Variants in SNTG2 observed in about 807,000 individuals in gnomAD.
The protein encoded by SNTG2 is syntrophin gamma 2, also known as gamma-2-syntrophin.
In SNTG2, 74 loss-of-function variants were observed where a neutral mutation model predicts 70.9. The ratio of observed to expected loss-of-function variants is 1.04; its 90% CI spans 0.86 to 1.27. The LOEUF (loss-of-function observed/expected upper bound fraction) is 1.27, where lower values mean the gene tolerates loss of function less well. Among genes scored for constraint, SNTG2 ranks in the 50% most tolerant of loss-of-function variants. The pLI is 0.00. For missense variants in SNTG2, 717 were observed against 690.7 expected (o/e 1.04, Z -0.43); for synonymous variants, 278 against 273.8 (o/e 1.02, Z -0.15).
At chr2:1,052,192 T>C (rs1187466336) in intron 1 of SNTG2, among the ~76,000 whole-genome samples, 1 of 152,192 alleles carries the variant, frequency 6.6e-6, no homozygotes, top group Non-Finnish European at 1.5e-5. Context: ...TGTGGAAAAG[T>C]TTGTATAGTA....
intron 6 of SNTG2, among the ~76,000 whole-genome samples, chr2:1,141,147 A>G (rs1427109139): frequency 6.6e-6 from 1 of 152,232 alleles, no homozygotes; most frequent in Non-Finnish European, 1.5e-5. Context: ...TCAGCAGACC[A>G]TGGGGACTTC....
At chr2:1,188,679 A>C (rs988602142) in intron 8 of SNTG2, among the ~76,000 whole-genome samples, 14 of 152,190 alleles carry the variant, frequency 9.2e-5, no homozygotes, top group Non-Finnish European at 1.9e-4. Flanking sequence ...TACAAAATAC[A>C]TAAATTTTTA....
At chr2:1,026,442 C>T (rs1660483961) in intron 1 of SNTG2, among the ~76,000 whole-genome samples, 1 of 152,130 alleles carries the variant, frequency 6.6e-6, no homozygotes, top group Admixed American at 6.5e-5. Flanking sequence ...GGGACTTAGC[C>T]CTCTGACAAT....
At position 986,875 on chromosome 2, in the gene SNTG2, G is replaced by A. The variant is rs191905885; in HGVS notation, c.72+35807G>A. ...TAGCAATTTTAGAGTACATAACTAC[G>A]GGCTAAATTTTATAGAATATTCTCA... On this transcript the variant is annotated intron_variant, in intron 1 of 16. Transcript: ENST00000308624. Among the ~76,000 whole-genome samples the A allele has an allele frequency of 5.9e-5, 9 of 152,228 alleles. No homozygotes were observed. In the East Asian group the frequency reaches 1.2e-3, roughly 20 times the overall value.
chr2:1,100,189 C>CA (rs1427660940), intron 4 of SNTG2, among the ~76,000 whole-genome samples: 11 of 151,826 alleles, frequency 7.2e-5, no homozygotes, highest in African/African-American at 2.7e-4. Context: ...ACCCCACTGA[C>CA]AGAGTCTCAC....
rs1469187276 is a variant in SNTG2 at position 950,908 on chromosome 2, G to T, written c.-89G>T. 1.5e-5 allele frequency: 9 copies of T among 589,234 alleles called. No homozygotes were observed. The highest frequency in any genetic ancestry group is 5.9e-5 in the African/African-American group (3 of 50,680). 36.5% of individuals were successfully genotyped at this position (589,234 alleles called of 1,614,324 possible). ...GGCAGAGGGGCGCGGGCGCGGACGC[G>T]GCGCCTGGCGGGGCCCTGGGAGGCT... On this transcript the variant is annotated 5_prime_UTR_variant, in exon 1 of 17. Transcript: ENST00000308624.
intron 14 of SNTG2, among the ~76,000 whole-genome samples, chr2:1,274,578 C>T (rs1443725928): frequency 6.6e-6 from 1 of 152,178 alleles, no homozygotes; most frequent in African/African-American, 2.4e-5. Flanking sequence ...CTTCCACCCT[C>T]GATCAGGATG....
intron 14 of SNTG2, among the ~76,000 whole-genome samples, chr2:1,292,663 T>A (rs932980085): frequency 6.6e-6 from 1 of 152,230 alleles, no homozygotes; most frequent in South Asian, 2.1e-4. Context: ...GATTTTTCTA[T>A]GTCAAACCAT....
At chr2:1,252,778 CTA>C (rs1349612026) in intron 12 of SNTG2, among the ~76,000 whole-genome samples, 3 of 152,042 alleles carry the variant, frequency 2.0e-5, no homozygotes, top group African/African-American at 7.2e-5. Context: ...GAGTGAAACT[CTA>C]TTTCAAAGAA....
chr2:1,026,988 G>T (rs528129676), intron 1 of SNTG2, among the ~76,000 whole-genome samples: 1 of 152,124 alleles, frequency 6.6e-6, no homozygotes, highest in Non-Finnish European at 1.5e-5. Context: ...CAGTAACTTG[G>T]CTCAGCCTCC....
intron 14 of SNTG2, among the ~76,000 whole-genome samples, chr2:1,298,169 G>A (rs1680302655): frequency 1.3e-5 from 2 of 152,112 alleles, no homozygotes; most frequent in African/African-American, 4.8e-5. Flanking sequence ...GTCTACCTCT[G>A]TCACCTAGGC....
At chr2:1,000,061 A>C (rs548410274) in intron 1 of SNTG2, among the ~76,000 whole-genome samples, 1 of 152,042 alleles carries the variant, frequency 6.6e-6, no homozygotes, top group South Asian at 2.1e-4. Context: ...TAAGATGGAA[A>C]ATTTTTAAAT....
chr2:1,319,127 G>C (rs2148268224), intron 16 of SNTG2, among the ~76,000 whole-genome samples: 1 of 152,320 alleles, frequency 6.6e-6, no homozygotes, highest in Admixed American at 6.5e-5. Flanking sequence ...CACAGGCTTT[G>C]AGACCAGTAT....
intron 6 of SNTG2, among the ~76,000 whole-genome samples, chr2:1,144,110 TCTC>T (rs766590262): frequency 6.6e-6 from 1 of 151,972 alleles, no homozygotes; most frequent in African/African-American, 2.4e-5. Context: ...ACGGTTGACA[TCTC>T]CTCTTTACCT....
At chr2:1,322,468 A>G (rs543925554) in intron 16 of SNTG2, among the ~76,000 whole-genome samples, 1 of 152,302 alleles carries the variant, frequency 6.6e-6, no homozygotes, top group East Asian at 1.9e-4. Flanking sequence ...TGGAGTTCCA[A>G]TGCAGACCCC....
At chr2:951,211 T>C in intron 1 of SNTG2, 143 bp downstream of exon 1, 1 of 415,060 alleles carries the variant, frequency 2.4e-6, no homozygotes, top group Non-Finnish European at 4.0e-6. Context: ...GGCCGGAGGG[T>C]GGGCGCCGGA....
chr2:1,026,451 A>G (rs1345160081), intron 1 of SNTG2, among the ~76,000 whole-genome samples: 4 of 152,244 alleles, frequency 2.6e-5, no homozygotes, highest in African/African-American at 4.8e-5. Flanking sequence ...CCCTCTGACA[A>G]TAGTTTTAGG....
chr2:1,090,126 T>C (rs1664928809), intron 2 of SNTG2, among the ~76,000 whole-genome samples: 2 of 152,238 alleles, frequency 1.3e-5, no homozygotes, highest in Non-Finnish European at 2.9e-5. Context: ...AACGTTATGC[T>C]TTTTAAATGG....
chr2:1,256,044 G>T (rs975896672), intron 12 of SNTG2, among the ~76,000 whole-genome samples: 1 of 150,364 alleles, frequency 6.7e-6, no homozygotes, highest in African/African-American at 2.4e-5. Context: ...CAATTTTGTC[G>T]TTGTGCAAAC....
Sources: allele counts gnomAD v4.1 joint callset (sites outside exome capture counted in the v4.1 genomes callset), GRCh38; gene constraint gnomAD v4.1.1; transcripts MANE v1.5; gene names NCBI Gene and HGNC (gene_info 2026-07-23, HGNC 2026-07-21).